The following UBTD2 variants were observed in gnomAD, a reference collection of about 807,000 sequenced individuals.
The protein encoded by UBTD2 is ubiquitin domain containing 2.
In UBTD2, 9 loss-of-function variants were observed where a neutral mutation model predicts 19.8. The observed-to-expected ratio is 0.46, with a 90% CI of 0.27 to 0.79. The LOEUF (loss-of-function observed/expected upper bound fraction) is 0.79, where lower values mean the gene tolerates loss of function less well. UBTD2 is among the 30% of genes least tolerant of loss of function. The pLI is 0.14. For missense variants in UBTD2, 250 were observed against 300.4 expected (o/e 0.83, Z 1.24); for synonymous variants, 98 against 103.9 (o/e 0.94, Z 0.35).
chr5:172,234,151 A>G lies in UBTD2; in HGVS notation c.278T>C (p.Ile93Thr). 2 of 1,614,166 alleles carry G rather than the reference A, an allele frequency of 1.2e-6. No individual in the cohort carries two copies. Among genetic ancestry groups the G allele is most frequent in the Non-Finnish European group, 1.7e-6 (2 of 1,180,034 alleles). ...SNDHELAQAIIDGANITLPHG... is the reference protein window; with the variant it reads ...SNDHELAQAITDGANITLPHG... ...TGGTAATGTTATGTTTGCACCATCA[A>G]TGATTGCTTGTGCCAGTTCATGATC... The change falls in exon 2 of 3, where the codon ATT becomes ACT. Residue 93 changes from isoleucine (I) to threonine (T), a missense_variant. Physicochemically the swap from Ile to Thr is moderately conservative, Grantham distance 89. Transcript: ENST00000393792.
intron 1 of UBTD2, among the ~76,000 whole-genome samples, chr5:172,275,761 C>A (rs900368088): frequency 6.6e-6 from 1 of 152,200 alleles, no homozygotes; most frequent in Admixed American, 6.5e-5. Context: ...TACATGGTGA[C>A]TCCACTTAGA....
chr5:172,237,671 A>C (rs1772039188), intron 1 of UBTD2, among the ~76,000 whole-genome samples: 1 of 152,238 alleles, frequency 6.6e-6, no homozygotes, highest in African/African-American at 2.4e-5. Flanking sequence ...CTGGGAAAAA[A>C]ATTAGCATTT....
intron 2 of UBTD2, among the ~76,000 whole-genome samples, chr5:172,227,896 G>C (rs1377652177): frequency 6.6e-6 from 1 of 151,678 alleles, no homozygotes; most frequent in East Asian, 1.9e-4. Flanking sequence ...GGCTAGGCTG[G>C]TCTCTAACTC....
chr5:172,268,575 C>T (rs1459543081), intron 1 of UBTD2, among the ~76,000 whole-genome samples: 5 of 152,084 alleles, frequency 3.3e-5, no homozygotes, highest in African/African-American at 9.7e-5. Context: ...GGTAAAACCC[C>T]GTCTCCACCA....
intron 1 of UBTD2, among the ~76,000 whole-genome samples, chr5:172,276,904 T>C (rs1755614207): frequency 6.6e-6 from 1 of 151,842 alleles, no homozygotes; most frequent in Non-Finnish European, 1.5e-5. Context: ...ACCCCGTCTC[T>C]ACTAAACATA....
chr5:172,283,897 G>A (rs1304326609), upstream of UBTD2: 1 of 159,556 alleles, frequency 6.3e-6, no homozygotes. The surrounding 1 kb of genome is among the most constrained non-coding windows in gnomAD (Gnocchi z 4.3). Flanking sequence ...CGGCAGGCCT[G>A]GCCCGCGCGC....
At chr5:172,265,247 A>G (rs1423211296) in intron 1 of UBTD2, among the ~76,000 whole-genome samples, 1 of 152,242 alleles carries the variant, frequency 6.6e-6, no homozygotes, top group Non-Finnish European at 1.5e-5. Context: ...GAGTCTCTCT[A>G]AAGATAATAG....
intron 2 of UBTD2, among the ~76,000 whole-genome samples, chr5:172,216,891 G>A (rs1016189635): frequency 2.0e-5 from 3 of 152,000 alleles, no homozygotes; most frequent in African/African-American, 7.3e-5. Context: ...ACTTGAGCCC[G>A]GGAGGTCAAG....
intron 1 of UBTD2, among the ~76,000 whole-genome samples, chr5:172,271,258 G>A (rs142127013): frequency 0.014 from 2,158 of 151,844 alleles, 28 homozygotes; most frequent in Non-Finnish European, 0.021. Flanking sequence ...GTGAAACCCC[G>A]TCTCTACTAA....
At chr5:172,246,693 C>T (rs1307916858) in intron 1 of UBTD2, among the ~76,000 whole-genome samples, 1 of 149,434 alleles carries the variant, frequency 6.7e-6, no homozygotes, top group Non-Finnish European at 1.5e-5. Flanking sequence ...ATCTGCCCGC[C>T]TTGGCCTCCT....
rs577524771 is a variant in UBTD2, at chr5:172,238,388, T to C, written c.71-4030A>G. 3.9e-5 allele frequency among the ~76,000 whole-genome samples: 6 copies of C among 152,298 alleles called. No individual in the cohort carries two copies. In the South Asian group the frequency reaches 1.0e-3, roughly 26 times the overall value. On this transcript the variant is annotated intron_variant, in intron 1 of 2. Coordinates refer to ENST00000393792, the MANE Select transcript of UBTD2 (RefSeq NM_152277.3). ...CTTTAGTGCACTATGAATTAACATA[T>C]GAGAAATAAAAAATTAATAAAGCAA...
intron 1 of UBTD2, among the ~76,000 whole-genome samples, chr5:172,268,976 T>C (rs963366346): frequency 3.9e-5 from 6 of 152,116 alleles, no homozygotes; most frequent in Admixed American, 6.6e-5. Context: ...TGTGGTTACG[T>C]AGGAGAACAG....
chr5:172,230,277 G>A (rs1434813731), intron 2 of UBTD2, among the ~76,000 whole-genome samples: 1 of 152,140 alleles, frequency 6.6e-6, no homozygotes, highest in Non-Finnish European at 1.5e-5. Context: ...ATTAAAAAGT[G>A]TAATGTTATT....
intron 1 of UBTD2, among the ~76,000 whole-genome samples, chr5:172,238,219 T>C (rs1413920233): frequency 3.3e-5 from 5 of 152,238 alleles, no homozygotes; most frequent in African/African-American, 9.6e-5. Context: ...TGACTGCTGA[T>C]ACCAAAAGAG....
Position 172,211,073 on chromosome 5 carries a change from T to C in UBTD2, c.*757A>G, listed in dbSNP as rs1238067841. 1 of 152,190 alleles carries C rather than the reference T, an allele frequency of 6.6e-6. No homozygotes were observed. The highest frequency in any genetic ancestry group is 1.5e-5 in the Non-Finnish European group (1 of 68,042). The allele number at this position is 152,190 out of a possible 1,614,324, so 9.4% of individuals were successfully genotyped here. A position where few individuals can be genotyped will look rare whatever the true frequency, so the allele number is the denominator to read the frequency against. On this transcript the variant is annotated 3_prime_UTR_variant, in exon 3 of 3. Transcript: ENST00000393792. Reference sequence around the variant, plus strand: ...CTTATGCAGCAAGATGACAGCGACTTTTCAACTGAGTATCTGTTGAAACTC... The same window carrying C: ...CTTATGCAGCAAGATGACAGCGACTCTTCAACTGAGTATCTGTTGAAACTC...
intron 2 of UBTD2, among the ~76,000 whole-genome samples, chr5:172,220,617 A>C (rs182744088): frequency 6.6e-6 from 1 of 151,858 alleles, no homozygotes; most frequent in Admixed American, 6.5e-5. Context: ...CAAGAGCAAA[A>C]TTCCTTTAAA....
intron 1 of UBTD2, among the ~76,000 whole-genome samples, chr5:172,239,357 CA>C (rs779388422): frequency 1.6e-4 from 25 of 152,190 alleles, no homozygotes; most frequent in Admixed American, 9.1e-4. Flanking sequence ...GAGGCTGAGG[CA>C]GGGGGGATCA....
chr5:172,282,914 G>C (rs909396574), intron 1 of UBTD2, among the ~76,000 whole-genome samples: 2 of 152,030 alleles, frequency 1.3e-5, no homozygotes, highest in Non-Finnish European at 2.9e-5. Flanking sequence ...TTCCTTCTAC[G>C]TAAGACAGAT....
intron 1 of UBTD2, among the ~76,000 whole-genome samples, chr5:172,275,019 G>A (rs1198670265): frequency 6.6e-6 from 1 of 152,124 alleles, no homozygotes; most frequent in South Asian, 2.1e-4. Context: ...CTGTGCAACA[G>A]AGCGAGACTC....
Sources: gnomAD v4.1 joint callset for allele counts (sites outside exome capture counted in the v4.1 genomes callset) on GRCh38, gnomAD v4.1.1 for gene constraint, Gnocchi (gnomAD v3.1) non-coding constraint, MANE v1.5 for transcripts, NCBI Gene and HGNC (gene_info 2026-07-23, HGNC 2026-07-21) for gene names.